The following DIRAS2 variants were observed in gnomAD, a reference collection of about 807,000 sequenced individuals.
The protein encoded by DIRAS2 is DIRAS family GTPase 2.
Under a neutral mutation model 13.9 loss-of-function variants are expected in DIRAS2, and 5 were observed. The observed-to-expected ratio is 0.36, with a 90% CI of 0.19 to 0.76. The LOEUF is 0.76. Ranked by LOEUF, DIRAS2 falls within the 30% of genes least tolerant of loss-of-function variation. The probability of loss-of-function intolerance (pLI) is 0.53; values close to 1 mark genes in which losing one functional copy is unlikely to be tolerated. For missense variants in DIRAS2, 191 were observed against 263.0 expected (o/e 0.73, Z 1.89); for synonymous variants, 111 against 105.4 (o/e 1.05, Z -0.33).
Position 90,614,306 on chromosome 9 carries a change from A to ATGTGTGTG in DIRAS2, c.-36-451_-36-444dup, listed in dbSNP as rs34548591. On this transcript the variant is annotated intron_variant, in intron 1 of 1. Coordinates refer to ENST00000375765, the MANE Select transcript of DIRAS2 (RefSeq NM_017594.5). ...AGTACCCAATATACTGGTCATCATA[A>ATGTGTGTG]TGTGTGTGTGTGTGTGTGTGTGTGT... Among the ~76,000 whole-genome samples, 1,091 of 134,900 alleles carry ATGTGTGTG rather than the reference A, an allele frequency of 8.1e-3. 3 individuals are homozygous for ATGTGTGTG. Among genetic ancestry groups the ATGTGTGTG allele is most frequent in the Non-Finnish European group, 0.012 (763 of 62,796 alleles). 88.5% of individuals were successfully genotyped at this position (134,900 alleles called of 152,430 possible). A position where few individuals can be genotyped will look rare whatever the true frequency, so the allele number is the denominator to read the frequency against.
chr9:90,626,646 T>G (rs571076874), intron 1 of DIRAS2, among the ~76,000 whole-genome samples: 6 of 152,190 alleles, frequency 3.9e-5, no homozygotes, highest in African/African-American at 7.2e-5. Flanking sequence ...TTAGCAAAGA[T>G]AGAGAGAAAC....
rs371058528 is a variant in DIRAS2 at position 90,622,976 on chromosome 9, G to A, written c.-36-9113C>T. ...ACTTCTATTAGATGATGGATTGATT[G>A]TACCTATTCTTGATTTCTCCAGCAT... On this transcript the variant is annotated intron_variant, in intron 1 of 1. Transcript: ENST00000375765. Among the ~76,000 whole-genome samples, 9 of 152,214 alleles carry A rather than the reference G, an allele frequency of 5.9e-5. No homozygotes were observed. The South Asian group carries it at 1.2e-3, about 21-fold the overall frequency.
chr9:90,622,684 C>A (rs1825230838), intron 1 of DIRAS2, among the ~76,000 whole-genome samples: 1 of 152,114 alleles, frequency 6.6e-6, no homozygotes. Flanking sequence ...GTTTAGCATC[C>A]AGGCTTGTTA....
rs1825107768 is a variant in DIRAS2, at chr9:90,611,050, T to C, written c.*2178A>G. 6.6e-6 allele frequency: 1 copy of C among 152,160 alleles called. No individual in the cohort carries two copies. The highest frequency in any genetic ancestry group is 1.5e-5 in the Non-Finnish European group (1 of 68,026). The allele number at this position is 152,160 out of a possible 1,614,324, so 9.4% of individuals were successfully genotyped here. ...CTGTTAACAAAGAACCCAATCAAAA[T>C]CTATAGGTCTACTTTGGCCATGAAG... On this transcript the variant is annotated 3_prime_UTR_variant, in exon 2 of 2. Coordinates refer to ENST00000375765, the MANE Select transcript of DIRAS2 (RefSeq NM_017594.5).
chr9:90,613,651 G>T lies in DIRAS2; in HGVS notation c.177C>A (p.Ile59=). ...SCDKSICTLQ[I]TDTTGSHQFP... is the part of the protein sequence containing the mutation. ...ACTGGTGGCTCCCCGTCGTGTCGGT[G>T]ATCTGCAATGTGCATATGCTCTTGT... Residue 59 remains isoleucine, a synonymous_variant, in exon 2 of 2, where the codon ATC becomes ATA. Coordinates refer to ENST00000375765, the MANE Select transcript of DIRAS2 (RefSeq NM_017594.5). The surrounding 1 kb of genome is among the most constrained non-coding windows in gnomAD (Gnocchi z 5.6). The T allele has an allele frequency of 6.2e-7, 1 of 1,614,148 alleles. No individual in the cohort carries two copies. The highest frequency in any genetic ancestry group is 8.5e-7 in the Non-Finnish European group (1 of 1,180,032).
intron 1 of DIRAS2, among the ~76,000 whole-genome samples, chr9:90,617,461 A>T (rs1051360514): frequency 1.3e-5 from 2 of 152,224 alleles, no homozygotes; most frequent in African/African-American, 4.8e-5. Context: ...AATCTGTTAT[A>T]TGCTATTGAG....
intron 1 of DIRAS2, among the ~76,000 whole-genome samples, chr9:90,638,827 CT>C (rs1367653996): frequency 1.3e-5 from 2 of 152,082 alleles, no homozygotes; most frequent in African/African-American, 4.8e-5. Flanking sequence ...ATCACTTTTC[CT>C]TTTTGTTCCG....
At chr9:90,631,161 G>T (rs1221847606) in intron 1 of DIRAS2, among the ~76,000 whole-genome samples, 3 of 152,192 alleles carry the variant, frequency 2.0e-5, no homozygotes, top group Non-Finnish European at 4.4e-5. Context: ...GCAAAAATTT[G>T]AGAGAGGTAA....
At position 90,613,922 on chromosome 9, in the gene DIRAS2, AG is replaced by A; in HGVS notation, c.-36-60del. 1 of 1,427,538 alleles carries A rather than the reference AG, an allele frequency of 7.0e-7. No individual in the cohort carries two copies. Among genetic ancestry groups the A allele is most frequent in the Non-Finnish European group, 9.4e-7 (1 of 1,066,484 alleles). 88.4% of individuals were successfully genotyped at this position (1,427,538 alleles called of 1,614,324 possible). ...TAATTAAAATATAAAAACATTAATAAGGATAGCTCTACCCTCTTTTGATAGC... is the reference window on the plus strand; with the variant it reads ...TAATTAAAATATAAAAACATTAATAAGATAGCTCTACCCTCTTTTGATAGC... On this transcript the variant is annotated intron_variant, in intron 1 of 1. Coordinates refer to ENST00000375765, the MANE Select transcript of DIRAS2 (RefSeq NM_017594.5). The surrounding 1 kb of genome is among the most constrained non-coding windows in gnomAD (Gnocchi z 5.6).
intron 1 of DIRAS2, among the ~76,000 whole-genome samples, chr9:90,632,902 T>C (rs1033203309): frequency 6.6e-6 from 1 of 152,240 alleles, no homozygotes; most frequent in African/African-American, 2.4e-5. Flanking sequence ...AGAACACTAG[T>C]GCAGAACATG....
At chr9:90,619,853 A>G (rs1825203376) in intron 1 of DIRAS2, among the ~76,000 whole-genome samples, 1 of 152,248 alleles carries the variant, frequency 6.6e-6, no homozygotes. Flanking sequence ...TTCATGAAAT[A>G]TTATTCATCA....
chr9:90,642,818 A>C lies in DIRAS2; in HGVS notation c.-103T>G, dbSNP rs1280244742. The stretch of plus-strand genomic sequence containing the variant: ...CCACTCGCGCAGGACAGGGCAGCGC[A>C]GGGTGTGTGGATGCGGCTCCTCCCG... On this transcript the variant is annotated 5_prime_UTR_variant, in exon 1 of 2. Coordinates refer to ENST00000375765, the MANE Select transcript of DIRAS2 (RefSeq NM_017594.5). The C allele has an allele frequency of 6.6e-6, 1 of 152,338 alleles. No individual in the cohort carries two copies. The highest frequency in any genetic ancestry group is 1.5e-5 in the Non-Finnish European group (1 of 68,114). The allele number at this position is 152,338 out of a possible 1,614,324, so 9.4% of individuals were successfully genotyped here.
At chr9:90,636,547 T>C (rs945694093) in intron 1 of DIRAS2, among the ~76,000 whole-genome samples, 3 of 152,206 alleles carry the variant, frequency 2.0e-5, no homozygotes, top group African/African-American at 4.8e-5. Context: ...TGTTTCACAT[T>C]AACTCACAAT....
chr9:90,631,130 C>T (rs889857243), intron 1 of DIRAS2, among the ~76,000 whole-genome samples: 2 of 152,094 alleles, frequency 1.3e-5, no homozygotes, highest in Admixed American at 1.3e-4. Flanking sequence ...GGGAAGGACT[C>T]CCTGAAAAGT....
chr9:90,617,553 G>T (rs1016977772), intron 1 of DIRAS2, among the ~76,000 whole-genome samples: 3 of 152,320 alleles, frequency 2.0e-5, no homozygotes, highest in African/African-American at 7.2e-5. Flanking sequence ...AGTTGTTTAT[G>T]AGACTAATGT....
chr9:90,637,829 T>C (rs1825384549), intron 1 of DIRAS2, among the ~76,000 whole-genome samples: 1 of 152,226 alleles, frequency 6.6e-6, no homozygotes, highest in Non-Finnish European at 1.5e-5. Context: ...AGAAAGCCTG[T>C]TCCCCGTTGA....
At position 90,613,904 on chromosome 9, in the gene DIRAS2, A is replaced by C. The variant is rs373684959; in HGVS notation, c.-36-41T>G. The C allele has an allele frequency of 5.8e-5, 87 of 1,495,914 alleles. 1 individual carries two copies. In the East Asian group the frequency reaches 8.8e-4, roughly 15 times the overall value. 92.7% of individuals were successfully genotyped at this position (1,495,914 alleles called of 1,614,324 possible). ...GATGTTTGAAAGAATTAATAATTAAAATATAAAAACATTAATAAGGATAGC... is the reference window on the plus strand; with the variant it reads ...GATGTTTGAAAGAATTAATAATTAACATATAAAAACATTAATAAGGATAGC... On this transcript the variant is annotated intron_variant, in intron 1 of 1. Transcript: ENST00000375765. The surrounding 1 kb of genome is among the most constrained non-coding windows in gnomAD (Gnocchi z 5.6).
chr9:90,636,285 G>A (rs147557572), intron 1 of DIRAS2, among the ~76,000 whole-genome samples: 228 of 152,026 alleles, frequency 1.5e-3, no homozygotes, highest in African/African-American at 5.3e-3. Flanking sequence ...TGATCCACCC[G>A]CCTTGGCCTC....
chr9:90,629,638 A>C (rs2118570529), intron 1 of DIRAS2, among the ~76,000 whole-genome samples: 1 of 152,324 alleles, frequency 6.6e-6, no homozygotes, highest in African/African-American at 2.4e-5. Flanking sequence ...GTGACACTCA[A>C]GTCTCTTATA....
Sources: gnomAD v4.1 joint callset for allele counts (sites outside exome capture counted in the v4.1 genomes callset) on GRCh38, gnomAD v4.1.1 for gene constraint, Gnocchi (gnomAD v3.1) non-coding constraint, MANE v1.5 for transcripts, NCBI Gene and HGNC (gene_info 2026-07-23, HGNC 2026-07-21) for gene names.